Variants in GABRG1 observed in about 807,000 individuals in gnomAD.
GABRG1 encodes gamma-aminobutyric acid type A receptor subunit gamma1, also known as gamma-aminobutyric acid receptor subunit gamma-1.
A neutral mutation model predicts 49.8 loss-of-function variants in GABRG1; 49 were observed. That is an observed-to-expected ratio of 0.98 (90% CI 0.78 to 1.25). The LOEUF (loss-of-function observed/expected upper bound fraction) is 1.25, where lower values mean the gene tolerates loss of function less well. Ranked by LOEUF, GABRG1 falls within the 50% of genes most tolerant of loss-of-function variation. The pLI is 0.00. For synonymous variants in GABRG1, 232 were observed against 185.1 expected (o/e 1.25, Z -2.06); for missense variants, 552 against 552.3 (o/e 1.00, Z 0.01).
chr4:46,051,585 A>ATTTT lies in GABRG1; in HGVS notation c.969_970insAAAA (p.Leu324LysfsTer4). ...GCAGTCACATAAGAAACCTTAGGTA[A>ATTTT]AGACTTCCTGGCAATTGTACTCAGG... On this transcript the variant is annotated frameshift_variant, in exon 8 of 9. Coordinates refer to ENST00000295452, the MANE Select transcript of GABRG1 (RefSeq NM_173536.4). LOFTEE classifies it high-confidence loss of function. The ATTTT allele has an allele frequency of 6.2e-7, 1 of 1,611,638 alleles. No homozygotes were observed. The highest frequency in any genetic ancestry group is 1.7e-5 in the Admixed American group (1 of 59,740).
At position 46,041,180 on chromosome 4, in the gene GABRG1, A is replaced by T; in HGVS notation, c.1206T>A (p.Tyr402Ter). The stretch of plus-strand genomic sequence containing the variant: ...CTTTGCCCTCCAAACACTGATACCC[A>T]TAATCATCTTCTTGCGGCACAGAAA... ...NNISVPQEDDYGYQCLEGKDC... is the reference protein window; with the variant it reads ...NNISVPQEDD The change falls in exon 9 of 9, where the codon TAT becomes TAA. Residue 402 changes from tyrosine (Y) to a stop codon, truncating the protein, a stop_gained. Transcript: ENST00000295452. LOFTEE classifies it high-confidence loss of function. The T allele has an allele frequency of 6.2e-7, 1 of 1,613,038 alleles. No individual in the cohort carries two copies. Among genetic ancestry groups the T allele is most frequent in the Non-Finnish European group, 8.5e-7 (1 of 1,179,328 alleles).
intron 2 of GABRG1, among the ~76,000 whole-genome samples, chr4:46,094,586 G>T (rs955811012): frequency 6.6e-6 from 1 of 151,922 alleles, no homozygotes; most frequent in African/African-American, 2.4e-5. Flanking sequence ...TTGTTTCTGG[G>T]CCAAGAAAAA....
chr4:46,066,246 A>G (rs1395091348), intron 3 of GABRG1, among the ~76,000 whole-genome samples: 4 of 152,138 alleles, frequency 2.6e-5, no homozygotes, highest in Non-Finnish European at 5.9e-5. Flanking sequence ...CAAAAAAGAA[A>G]CTAGACGCAA....
At chr4:46,044,319 A>T (rs1368844856) in intron 8 of GABRG1, among the ~76,000 whole-genome samples, 1 of 151,922 alleles carries the variant, frequency 6.6e-6, no homozygotes, top group African/African-American at 2.4e-5. Flanking sequence ...CAAAAAGAGG[A>T]AACAAAAGAA....
chr4:46,107,295 T>G (rs904151823), intron 1 of GABRG1, among the ~76,000 whole-genome samples: 2 of 151,328 alleles, frequency 1.3e-5, no homozygotes, highest in African/African-American at 4.8e-5. Flanking sequence ...AAAAGTTTTA[T>G]GAAATCATAT....
chr4:46,060,945 T>C (rs1718649506), intron 5 of GABRG1, among the ~76,000 whole-genome samples: 1 of 152,158 alleles, frequency 6.6e-6, no homozygotes, highest in African/African-American at 2.4e-5. Flanking sequence ...ACATATTTGT[T>C]GTGAAATATT....
chr4:46,060,223 A>T (rs1718621175), intron 5 of GABRG1, among the ~76,000 whole-genome samples: 2 of 150,836 alleles, frequency 1.3e-5, no homozygotes, highest in South Asian at 4.2e-4. Flanking sequence ...TGCTGATTTC[A>T]GGGGCAACCT....
At chr4:46,082,318 C>A (rs1719606238) in intron 3 of GABRG1, among the ~76,000 whole-genome samples, 1 of 151,562 alleles carries the variant, frequency 6.6e-6, no homozygotes, top group African/African-American at 2.4e-5. Context: ...TCTCTCCCTC[C>A]CTTATTTCTC....
intron 2 of GABRG1, among the ~76,000 whole-genome samples, chr4:46,090,682 C>G (rs1415053262): frequency 1.3e-5 from 2 of 151,908 alleles, no homozygotes; most frequent in Non-Finnish European, 2.9e-5. Context: ...TAAACACACA[C>G]AGATGGTGAA....
At chr4:46,113,694 C>A (rs896342393) in intron 1 of GABRG1, among the ~76,000 whole-genome samples, 3 of 151,270 alleles carry the variant, frequency 2.0e-5, no homozygotes, top group African/African-American at 7.2e-5. Context: ...ATTTCTCCCT[C>A]CTGAGTGCCA....
chr4:46,077,265 C>T (rs917334192), intron 3 of GABRG1, among the ~76,000 whole-genome samples: 3 of 151,324 alleles, frequency 2.0e-5, no homozygotes, highest in Admixed American at 6.6e-5. Flanking sequence ...CAAACCTGCA[C>T]GTTGTGCACA....
At chr4:46,075,231 G>T (rs1328702600) in intron 3 of GABRG1, among the ~76,000 whole-genome samples, 1 of 151,836 alleles carries the variant, frequency 6.6e-6, no homozygotes, top group Non-Finnish European at 1.5e-5. Context: ...AAATTTATAG[G>T]TGAAAATGGC....
chr4:46,071,580 G>A (rs1719125282), intron 3 of GABRG1, among the ~76,000 whole-genome samples: 1 of 151,684 alleles, frequency 6.6e-6, no homozygotes, highest in Admixed American at 6.6e-5. Flanking sequence ...ATTGTTATCA[G>A]ATCAGATGAC....
At chr4:46,066,003 T>C (rs1300570708) in intron 3 of GABRG1, among the ~76,000 whole-genome samples, 1 of 152,182 alleles carries the variant, frequency 6.6e-6, no homozygotes, top group Non-Finnish European at 1.5e-5. Context: ...ATTACAGGCG[T>C]GAGCCACCGC....
chr4:46,114,563 C>T (rs1720826875), intron 1 of GABRG1, among the ~76,000 whole-genome samples: 1 of 150,692 alleles, frequency 6.6e-6, no homozygotes, highest in Admixed American at 6.7e-5. Flanking sequence ...TACCTTAGAG[C>T]CAAAGGTATG....
intron 3 of GABRG1, among the ~76,000 whole-genome samples, chr4:46,080,552 T>C (rs1364808558): frequency 6.6e-6 from 1 of 151,818 alleles, no homozygotes; most frequent in African/African-American, 2.4e-5. Context: ...ACAATCACTG[T>C]TGAAGGTTAC....
In GABRG1 at chr4:46,095,452, C is replaced by G. The variant is rs145065512; in HGVS notation, c.253+1749G>C. 2.0e-5 allele frequency among the ~76,000 whole-genome samples: 3 copies of G among 151,610 alleles called. No homozygotes were observed. The East Asian group carries it at 5.9e-4, about 30-fold the overall frequency. Reference sequence around the variant, plus strand: ...ATCAATGTCTAGAAAAACGGCTACCCAAATTGAACAGCTCTGAAACATATA... The same window carrying G: ...ATCAATGTCTAGAAAAACGGCTACCGAAATTGAACAGCTCTGAAACATATA... On this transcript the variant is annotated intron_variant, in intron 2 of 8. Transcript: ENST00000295452.
intron 2 of GABRG1, among the ~76,000 whole-genome samples, chr4:46,091,526 T>C (rs1202600364): frequency 6.6e-6 from 1 of 151,956 alleles, no homozygotes; most frequent in Non-Finnish European, 1.5e-5. Context: ...TTAATAAATA[T>C]AAGAAAATAG....
chr4:46,120,877 TG>T (rs1721073139), intron 1 of GABRG1, among the ~76,000 whole-genome samples: 1 of 151,782 alleles, frequency 6.6e-6, no homozygotes, highest in South Asian at 2.1e-4. Context: ...AGGTTACTTT[TG>T]GTAACAGCTA....
Sources: gnomAD v4.1 joint callset for allele counts (sites outside exome capture counted in the v4.1 genomes callset) on GRCh38, gnomAD v4.1.1 for gene constraint, MANE v1.5 for transcripts, NCBI Gene and HGNC (gene_info 2026-07-23, HGNC 2026-07-21) for gene names.